Variants in SPATA13 observed in about 807,000 individuals in gnomAD.
SPATA13 encodes spermatogenesis associated 13.
In SPATA13, 50 loss-of-function variants were observed where a neutral mutation model predicts 104.0. The observed-to-expected ratio is 0.48, with a 90% CI of 0.38 to 0.61. SPATA13 has a LOEUF of 0.61. SPATA13 is among the 20% of genes least tolerant of loss of function. SPATA13 has a pLI of 0.00. For synonymous variants in SPATA13, 606 were observed against 667.5 expected, an observed-to-expected ratio of 0.91 and a Z score of 1.42; for missense variants, 1,524 against 1,690.6, an observed-to-expected ratio of 0.90 and a Z score of 1.73.
In SPATA13 at chr13:24,151,557, G is replaced by T. The variant is rs568944590; in HGVS notation, c.-111-71262G>T. ...ACATGAAAGTCCTGTCTCTGTCAGG[G>T]TTTTGTAATAAACATTTCAAATTAT... is the stretch of plus-strand genomic sequence containing the variant. On this transcript the variant is annotated intron_variant, in intron 3 of 14. Transcript: ENST00000424834. Among the ~76,000 whole-genome samples, 16 of 152,248 alleles carry T rather than the reference G, an allele frequency of 1.1e-4. No individual in the cohort carries two copies. In the East Asian group the frequency reaches 2.7e-3, roughly 26 times the overall value.
intron 2 of SPATA13, among the ~76,000 whole-genome samples, chr13:24,235,595 T>TA (rs1218461052): frequency 4.6e-5 from 7 of 151,176 alleles, no homozygotes; most frequent in Admixed American, 3.3e-4. Context: ...CCTTGTCTCT[T>TA]AAAAAAAAAT....
Position 24,224,607 on chromosome 13 carries a change from ATG to A in SPATA13, c.1653+28_1653+29del, listed in dbSNP as rs1213141620. The A allele has an allele frequency of 2.0e-6, 3 of 1,536,656 alleles. No individual in the cohort carries two copies. In the East Asian group the frequency reaches 7.3e-5, roughly 38 times the overall value. On this transcript the variant is annotated intron_variant, in intron 2 of 12. Transcript: ENST00000382108. ...GGTAAGGGCAGCGGCGAGGTCCCTC[ATG>A]TGGGCGACCCTCCTGCGGGAAGGGA...
chr13:24,278,553 C>G, intron 4 of SPATA13: 1 of 1,211,508 alleles, frequency 8.3e-7, no homozygotes, highest in South Asian at 1.9e-5. Context: ...GCTGGGATTA[C>G]AAGCATGAGC....
chr13:24,016,012 G>T (rs1183798135), intron 2 of SPATA13, among the ~76,000 whole-genome samples: 1 of 152,208 alleles, frequency 6.6e-6, no homozygotes, highest in African/African-American at 2.4e-5. Flanking sequence ...TACGCGGTGT[G>T]TATGTGTTGG....
chr13:24,147,834 C>T (rs1881982899), intron 3 of SPATA13, among the ~76,000 whole-genome samples: 2 of 152,182 alleles, frequency 1.3e-5, no homozygotes, highest in Non-Finnish European at 2.9e-5. Context: ...TACCTCATAT[C>T]AGTGGAATCG....
chr13:24,279,903 G>A (rs974783498), intron 4 of SPATA13, among the ~76,000 whole-genome samples: 38 of 152,184 alleles, frequency 2.5e-4, no homozygotes, highest in African/African-American at 8.0e-4. Context: ...ACCCATGAGC[G>A]CTTCAAGCCA....
At chr13:23,997,846 C>A (rs1019855987) in intron 2 of SPATA13, among the ~76,000 whole-genome samples, 1 of 152,104 alleles carries the variant, frequency 6.6e-6, no homozygotes, top group African/African-American at 2.4e-5. Context: ...CATGAGGGAT[C>A]CACCCTCATG....
intron 4 of SPATA13, among the ~76,000 whole-genome samples, chr13:24,254,104 ACCACAAAAGCCATCC>A (rs1873655696): frequency 2.0e-5 from 3 of 152,142 alleles, no homozygotes; most frequent in African/African-American, 2.4e-5. Flanking sequence ...GGTAGCAGTG[ACCACAAAAGCCATCC>A]CCATTTTCCG....
intron 1 of SPATA13, among the ~76,000 whole-genome samples, chr13:24,166,452 TG>T (rs1882735860): frequency 6.6e-6 from 1 of 152,102 alleles, no homozygotes. Flanking sequence ...CTTCTAGCCC[TG>T]GGGGACGGCG....
chr13:24,238,738 C>T (rs1185513145), intron 2 of SPATA13, among the ~76,000 whole-genome samples: 2 of 152,184 alleles, frequency 1.3e-5, no homozygotes, highest in African/African-American at 4.8e-5. Context: ...TTCACGTTTA[C>T]TCACAGTGAG....
At chr13:24,181,898 T>C (rs913683148) in intron 1 of SPATA13, among the ~76,000 whole-genome samples, 2 of 152,020 alleles carry the variant, frequency 1.3e-5, no homozygotes, top group Non-Finnish European at 2.9e-5. Context: ...GTGGATCACC[T>C]GAGGTCAGGA....
chr13:24,069,351 G>A (rs547009247), intron 3 of SPATA13, among the ~76,000 whole-genome samples: 1 of 152,288 alleles, frequency 6.6e-6, no homozygotes, highest in Admixed American at 6.5e-5. Context: ...CTGGTTAGCT[G>A]TATTTCTAGG....
chr13:24,092,121 G>C (rs1879929549), intron 3 of SPATA13, among the ~76,000 whole-genome samples: 1 of 152,186 alleles, frequency 6.6e-6, no homozygotes, highest in Non-Finnish European at 1.5e-5. Context: ...ATTTTTGCCA[G>C]TTTTCTCATT....
chr13:24,050,662 A>G (rs1878307322), intron 3 of SPATA13, among the ~76,000 whole-genome samples: 1 of 152,212 alleles, frequency 6.6e-6, no homozygotes, highest in Non-Finnish European at 1.5e-5. Flanking sequence ...TGCCTCAGCC[A>G]GAAGTTCCAA....
chr13:24,200,120 C>T (rs77952630), intron 1 of SPATA13, among the ~76,000 whole-genome samples: 2,777 of 152,238 alleles, frequency 0.018, 95 homozygotes, highest in African/African-American at 0.063. Flanking sequence ...ACCCCTTCAA[C>T]GGGCATTTTC....
At chr13:23,986,164 T>G (rs1419635602) in intron 2 of SPATA13, among the ~76,000 whole-genome samples, 1 of 152,238 alleles carries the variant, frequency 6.6e-6, no homozygotes, top group African/African-American at 2.4e-5. Context: ...ATGTACACAT[T>G]AGGTATTTCG....
At chr13:24,093,527 T>A (rs1053761714) in intron 3 of SPATA13, among the ~76,000 whole-genome samples, 2 of 152,294 alleles carry the variant, frequency 1.3e-5, no homozygotes, top group Middle Eastern at 3.4e-3. Context: ...ACGTTTCTGA[T>A]ACACCCCAAA....
chr13:24,134,083 C>T (rs182737606), intron 3 of SPATA13, among the ~76,000 whole-genome samples: 25 of 152,234 alleles, frequency 1.6e-4, no homozygotes, highest in Admixed American at 3.9e-4. Context: ...ATGGTCCAAA[C>T]GGAGTGACAA....
Position 24,084,478 on chromosome 13 carries a change from G to C in SPATA13, c.-112+66777G>C, listed in dbSNP as rs535375544. Reference sequence around the variant, plus strand: ...ACTTTTTGCACCCTGACTCACTTCAGCCCTCTTAGCACCACCTGGGTTTCC... The same window carrying C: ...ACTTTTTGCACCCTGACTCACTTCACCCCTCTTAGCACCACCTGGGTTTCC... On this transcript the variant is annotated intron_variant, in intron 3 of 14. Coordinates refer to the SPATA13 transcript ENST00000424834. Among the ~76,000 whole-genome samples, 11 of 152,302 alleles carry C rather than the reference G, an allele frequency of 7.2e-5. 1 individual carries two copies. In the South Asian group the frequency reaches 2.3e-3, roughly 32 times the overall value.
Sources: gnomAD v4.1 joint callset for allele counts (sites outside exome capture counted in the v4.1 genomes callset) on GRCh38, gnomAD v4.1.1 for gene constraint, MANE v1.5 for transcripts, NCBI Gene and HGNC (gene_info 2026-07-23, HGNC 2026-07-21) for gene names.